Variants in SPA17 observed in about 807,000 individuals in gnomAD.
SPA17 encodes sperm autoantigenic protein 17.
A neutral mutation model predicts 13.8 loss-of-function variants in SPA17; 7 were observed. The observed-to-expected ratio is 0.51, with a 90% CI of 0.29 to 0.95. The LOEUF (loss-of-function observed/expected upper bound fraction) is 0.95, where lower values mean the gene tolerates loss of function less well. Among genes scored for constraint, SPA17 ranks in the 40% least tolerant of loss-of-function variants. SPA17 has a pLI of 0.08. For synonymous variants in SPA17, 61 were observed against 59.0 expected (o/e 1.03, Z -0.16); for missense variants, 170 against 179.3 (o/e 0.95, Z 0.30).
At chr11:124,675,827 T>C (rs1337061004) in intron 2 of SPA17, 1 of 157,282 alleles carries the variant, frequency 6.4e-6, no homozygotes, top group East Asian at 1.9e-4. Flanking sequence ...TTCCTTTCAA[T>C]TTTGATTCCT....
rs1236604376 is a variant in SPA17 at position 124,694,482 on chromosome 11, A to G, written c.*36A>G. 6.4e-7 allele frequency: 1 copy of G among 1,566,692 alleles called. No homozygotes were observed. The highest frequency in any genetic ancestry group is 2.3e-5 in the East Asian group (1 of 43,848). On this transcript the variant is annotated 3_prime_UTR_variant, in exon 5 of 5. Coordinates refer to ENST00000227135, the MANE Select transcript of SPA17 (RefSeq NM_017425.4). ...TTTACCTCCAGGAAACATGAAAAAT[A>G]ATCCAAATCCATCAACCTTCTTATT...
chr11:124,685,155 T>C (rs996308429), intron 3 of SPA17, among the ~76,000 whole-genome samples: 1 of 152,226 alleles, frequency 6.6e-6, no homozygotes, highest in African/African-American at 2.4e-5. Flanking sequence ...CCTGGAGGCA[T>C]AGGAGGGAAA....
rs74523045 is a variant in SPA17 at position 124,691,954 on chromosome 11, C to G, written c.312+172C>G. The stretch of plus-strand genomic sequence containing the variant: ...AACTGGTAGATAATTTTCAGCCATG[C>G]CTCTCTTGATCAAAAATTCATTTTT... On this transcript the variant is annotated intron_variant, in intron 4 of 4. Transcript: ENST00000227135. 5.7e-3 allele frequency among the ~76,000 whole-genome samples: 868 copies of G among 152,174 alleles called. 13 individuals carry two copies. Among genetic ancestry groups the G allele is most frequent in the African/African-American group, 0.02 (818 of 41,540 alleles).
At chr11:124,693,863 G>A (rs988255192) in intron 4 of SPA17, among the ~76,000 whole-genome samples, 25 of 152,186 alleles carry the variant, frequency 1.6e-4, no homozygotes, top group African/African-American at 5.3e-4. Flanking sequence ...AATGTATGAC[G>A]ATGATTAACT....
chr11:124,681,225 C>G (rs1018790998), intron 2 of SPA17, among the ~76,000 whole-genome samples, 164 bp from the exon 3 acceptor site: 1 of 152,140 alleles, frequency 6.6e-6, no homozygotes, highest in Non-Finnish European at 1.5e-5. Context: ...TTAATAATCA[C>G]TGGTAATGTC....
intron 3 of SPA17, among the ~76,000 whole-genome samples, chr11:124,686,326 G>A (rs1444804478): frequency 6.6e-6 from 1 of 152,152 alleles, no homozygotes; most frequent in Non-Finnish European, 1.5e-5. Context: ...AGAACTGTGA[G>A]TCAATTAAAC....
At chr11:124,676,582 C>T (rs557360967) in intron 2 of SPA17, among the ~76,000 whole-genome samples, 52 of 152,336 alleles carry the variant, frequency 3.4e-4, no homozygotes, top group African/African-American at 1.3e-3. Context: ...TGCCAATTTC[C>T]TGAATGTTGC....
rs1943653844 is a variant in SPA17 at position 124,694,411 on chromosome 11, A to C, written c.421A>C (p.Ser141Arg). 1.2e-6 allele frequency: 2 copies of C among 1,613,366 alleles called. No homozygotes were observed. The highest frequency in any genetic ancestry group is 1.3e-5 in the African/African-American group (1 of 74,902). Reference sequence around the variant, plus strand: ...GGAGGCAAAGAAAATGAAAACAAATAGTCTTCAAAATGAGGAAAAAGAGGA... The same window carrying C: ...GGAGGCAAAGAAAATGAAAACAAATCGTCTTCAAAATGAGGAAAAAGAGGA... ...REEAKKMKTN[S>R]LQNEEKEENK Residue 141 changes from serine (S) to arginine (R), a missense_variant, in exon 5 of 5, where the codon AGT becomes CGT. Ser to Arg is a moderately radical substitution (Grantham distance 110). Coordinates refer to ENST00000227135, the MANE Select transcript of SPA17 (RefSeq NM_017425.4).
chr11:124,675,451 T>C lies in SPA17; in HGVS notation c.154+33T>C, dbSNP rs1943450353. Reference sequence around the variant, plus strand: ...TTCTAAAATTAGTCATTTTTTAAAATAAGAAACTAAGCATTTGTTTATGGT... The same window carrying C: ...TTCTAAAATTAGTCATTTTTTAAAACAAGAAACTAAGCATTTGTTTATGGT... On this transcript the variant is annotated intron_variant, in intron 2 of 4. Transcript: ENST00000227135. 8 of 1,598,570 alleles carry C rather than the reference T, an allele frequency of 5.0e-6. No homozygotes were observed. The East Asian group carries it at 1.6e-4, about 31-fold the overall frequency.
At chr11:124,677,660 G>T (rs886923071) in intron 2 of SPA17, among the ~76,000 whole-genome samples, 2 of 152,034 alleles carry the variant, frequency 1.3e-5, no homozygotes, top group African/African-American at 4.8e-5. Flanking sequence ...CAACATAAAA[G>T]TAAACTTTTA....
In SPA17 at chr11:124,694,596, A is replaced by G; in HGVS notation, c.*150A>G. On this transcript the variant is annotated 3_prime_UTR_variant, in exon 5 of 5. Coordinates refer to ENST00000227135, the MANE Select transcript of SPA17 (RefSeq NM_017425.4). ...AAAATCTGTCATGAGCATTTGTTTA[A>G]TAAGCATACCATTGAAACATGCCAC... 1.9e-6 allele frequency: 2 copies of G among 1,041,540 alleles called. 1 individual carries two copies. The allele number at this position is 1,041,540 out of a possible 1,614,324, so 64.5% of individuals were successfully genotyped here.
intron 2 of SPA17, among the ~76,000 whole-genome samples, chr11:124,680,917 A>G (rs967000046): frequency 1.7e-4 from 26 of 152,066 alleles, no homozygotes; most frequent in African/African-American, 6.3e-4. Context: ...AAAGAAAAAA[A>G]TTGTTTAAAA....
At chr11:124,690,917 TTC>T (rs1230811436) in intron 3 of SPA17, among the ~76,000 whole-genome samples, 1 of 152,224 alleles carries the variant, frequency 6.6e-6, no homozygotes, top group Middle Eastern at 3.2e-3. Flanking sequence ...TATGGGTGTG[TTC>T]TGTGTATTTC....
intron 2 of SPA17, among the ~76,000 whole-genome samples, chr11:124,677,262 A>C (rs1478511942): frequency 6.6e-6 from 1 of 152,160 alleles, no homozygotes; most frequent in Non-Finnish European, 1.5e-5. Context: ...AAAAACAATC[A>C]TTATGGACCT....
chr11:124,689,784 A>AAAGAAG (rs1943609041), intron 3 of SPA17, among the ~76,000 whole-genome samples: 1 of 152,080 alleles, frequency 6.6e-6, no homozygotes, highest in Non-Finnish European at 1.5e-5. Flanking sequence ...AGAAAAAGAA[A>AAAGAAG]AAAGAACTTG....
Position 124,678,548 on chromosome 11 carries a change from GTT to G in SPA17, c.155-2839_155-2838del, listed in dbSNP as rs920494342. Among the ~76,000 whole-genome samples the G allele has an allele frequency of 5.0e-4, 75 of 150,188 alleles. 1 individual carries two copies. The highest frequency in any genetic ancestry group is 1.7e-3 in the African/African-American group (68 of 40,040). ...TGTGTGTGTGTGTGTGTGTGTGTGT[GTT>G]TGTGTGTGTATTTGCCACAGGGTTT... On this transcript the variant is annotated intron_variant, in intron 2 of 4. Coordinates refer to ENST00000227135, the MANE Select transcript of SPA17 (RefSeq NM_017425.4).
rs1289122469 is a variant in SPA17, at chr11:124,695,491, C to G, written c.*1045C>G. On this transcript the variant is annotated 3_prime_UTR_variant, in exon 5 of 5. Transcript: ENST00000227135. ...CCTAGTGCCTTAGTTTTAGAAAGTT[C>G]CGTCTCTCCTTTTTGAGGCCTCTCC... 6.6e-6 allele frequency: 1 copy of G among 152,142 alleles called. No homozygotes were observed. Among genetic ancestry groups the G allele is most frequent in the Non-Finnish European group, 1.5e-5 (1 of 68,020 alleles). The allele number at this position is 152,142 out of a possible 1,614,324, so 9.4% of individuals were successfully genotyped here. A position where few individuals can be genotyped will look rare whatever the true frequency, so the allele number is the denominator to read the frequency against.
rs538611181 is a variant in SPA17 at position 124,681,320 on chromosome 11, G to C, written c.155-69G>C. 3.2e-6 allele frequency: 4 copies of C among 1,259,192 alleles called. No individual in the cohort carries two copies. The East Asian group carries it at 7.9e-5, about 25-fold the overall frequency. The allele number at this position is 1,259,192 out of a possible 1,614,324, so 78.0% of individuals were successfully genotyped here. A position where few individuals can be genotyped will look rare whatever the true frequency, so the allele number is the denominator to read the frequency against. ...AATTTGAAACAAGAAACTTACATTT[G>C]TGTCACTATTCTACATTTACCTTAA... On this transcript the variant is annotated intron_variant, in intron 2 of 4. Coordinates refer to ENST00000227135, the MANE Select transcript of SPA17 (RefSeq NM_017425.4).
At chr11:124,678,618 C>T (rs946772753) in intron 2 of SPA17, among the ~76,000 whole-genome samples, 6 of 152,006 alleles carry the variant, frequency 3.9e-5, no homozygotes, top group African/African-American at 1.4e-4. Flanking sequence ...GTGGTGTAAT[C>T]GTGGCTCCAC....
Sources: allele counts gnomAD v4.1 joint callset (sites outside exome capture counted in the v4.1 genomes callset), GRCh38; gene constraint gnomAD v4.1.1; transcripts MANE v1.5; gene names NCBI Gene and HGNC (gene_info 2026-07-23, HGNC 2026-07-21).